ZNF607: variants seen among roughly 807,000 people sequenced by gnomAD.
ZNF607 encodes the protein zinc finger protein 607.
ZNF607 carries 5 observed loss-of-function variants against 12.8 expected under a neutral mutation model. The ratio of observed to expected loss-of-function variants is 0.39; its 90% CI spans 0.20 to 0.82. The LOEUF (loss-of-function observed/expected upper bound fraction) is 0.82. Among genes scored for constraint, ZNF607 ranks in the 40% least tolerant of loss-of-function variants. ZNF607 has a pLI of 0.39. For missense variants in ZNF607, 851 were observed against 859.2 expected, an observed-to-expected ratio of 0.99 and a Z score of 0.12; for synonymous variants, 287 against 276.2, an observed-to-expected ratio of 1.04 and a Z score of -0.39.
chr19:37,705,058 T>C (rs568967581), intron 4 of ZNF607, among the ~76,000 whole-genome samples: 1 of 149,750 alleles, frequency 6.7e-6, no homozygotes, highest in Non-Finnish European at 1.5e-5. Context: ...ATAATAATCA[T>C]CAGAAAAAAT....
At position 37,698,863 on chromosome 19, in the gene ZNF607, C is replaced by G. The variant is rs767887527; in HGVS notation, c.1268G>C (p.Cys423Ser). Residue 423 changes from cysteine to serine, a missense_variant, in exon 5 of 5, where the codon TGT becomes TCT. Coordinates refer to ENST00000355202, the MANE Select transcript of ZNF607 (RefSeq NM_032689.5). The stretch of plus-strand genomic sequence containing the variant: ...ACTGAAGGCCTTCCCACATTCCTTA[C>G]ATTTGTAGGGTTTCTCACCGGTATG... Reference protein sequence around the residue: ...NIHTGEKPYKCKECGKAFSQR... With the variant: ...NIHTGEKPYKSKECGKAFSQR... The G allele has an allele frequency of 2.5e-6, 4 of 1,613,958 alleles. No individual in the cohort carries two copies. Among genetic ancestry groups the G allele is most frequent in the Non-Finnish European group, 3.4e-6 (4 of 1,179,994 alleles).
At chr19:37,714,130 C>G (rs2045154318) in intron 1 of ZNF607, among the ~76,000 whole-genome samples, 1 of 151,908 alleles carries the variant, frequency 6.6e-6, no homozygotes, top group South Asian at 2.1e-4. Context: ...ACCATCCTGG[C>G]TAACACAGTG....
Position 37,698,807 on chromosome 19 carries a change from T to C in ZNF607, c.1324A>G (p.Ile442Val). The change falls in exon 5 of 5, where the codon ATT becomes GTT. Residue 442 changes from isoleucine (I) to valine (V), a missense_variant. Coordinates refer to ENST00000355202, the MANE Select transcript of ZNF607 (RefSeq NM_032689.5). ...TCAAAGGGTTTGTAACCAGTATGAA[T>C]TCTGTTATGATGGGCAAGGTGTGCA... is the stretch of plus-strand genomic sequence containing the variant. ...QRAHLAHHNR[I>V]HTGYKPFECK... 1 of 1,613,792 alleles carries C rather than the reference T, an allele frequency of 6.2e-7. No homozygotes were observed. The highest frequency in any genetic ancestry group is 8.5e-7 in the Non-Finnish European group (1 of 1,179,792).
chr19:37,709,792 C>T lies in ZNF607; in HGVS notation c.40G>A (p.Asp14Asn), dbSNP rs1328467045. Residue 14 changes from aspartate to asparagine, a missense_variant, in exon 3 of 5, where the codon GAC becomes AAC. Asp to Asn is a conservative substitution (Grantham distance 23). Coordinates refer to ENST00000355202, the MANE Select transcript of ZNF607 (RefSeq NM_032689.5). ...GSITFGDVAI[D>N]FSHQEWEYLS... The stretch of plus-strand genomic sequence containing the variant: ...TATTCCCACTCCTGATGAGAGAAGT[C>T]TATGGCCACATCCCCGAATGTTATT... 2 of 1,613,972 alleles carry T rather than the reference C, an allele frequency of 1.2e-6. No homozygotes were observed.
In ZNF607 at chr19:37,698,540, T is replaced by G; in HGVS notation, c.1591A>C (p.Lys531Gln). ...TQHLSIHSGK[K>Q]PFECNKCGKS... ...CCGCATTTGTTGCATTCAAAGGGTT[T>G]CTTACCACTGTGAATACTCAGATGC... The change falls in exon 5 of 5, where the codon AAA (lysine) becomes CAA (glutamine). Residue 531 changes from lysine to glutamine, a missense_variant. Coordinates refer to ENST00000355202, the MANE Select transcript of ZNF607 (RefSeq NM_032689.5). The G allele has an allele frequency of 3.7e-6, 6 of 1,612,082 alleles. No individual in the cohort carries two copies. The highest frequency in any genetic ancestry group is 5.1e-6 in the Non-Finnish European group (6 of 1,178,284).
chr19:37,701,147 A>G (rs994361286), intron 4 of ZNF607, among the ~76,000 whole-genome samples: 4 of 152,224 alleles, frequency 2.6e-5, no homozygotes, highest in Admixed American at 1.3e-4. Context: ...CAGAGAAACA[A>G]TTCAGGAAGG....
chr19:37,699,775 C>G lies in ZNF607; in HGVS notation c.356G>C (p.Cys119Ser), dbSNP rs990304726. The G allele has an allele frequency of 1.1e-5, 17 of 1,613,922 alleles. No homozygotes were observed. The highest frequency in any genetic ancestry group is 1.4e-5 in the Non-Finnish European group (17 of 1,179,980). ...TGTAAGATGACTAAAGGACTTCTGA[C>G]ATTGCTTACACTCATATGGTTTCTG... is the stretch of plus-strand genomic sequence containing the variant. ...NGQKPYECKQ[C>S]QKSFSHLTEL... The change falls in exon 5 of 5, where the codon TGT becomes TCT. Residue 119 changes from cysteine (C) to serine (S), a missense_variant. Transcript: ENST00000355202.
intron 2 of ZNF607, 54 bp from the exon 3 acceptor site, chr19:37,709,876 G>A (rs1041502998): frequency 1.2e-5 from 19 of 1,592,546 alleles, no homozygotes; most frequent in Admixed American, 1.7e-5. Flanking sequence ...GAGTGGAGGG[G>A]CCGGGCACTG....
At chr19:37,711,472 T>C in intron 2 of ZNF607, 138 bp downstream of exon 2, 1 of 855,506 alleles carries the variant, frequency 1.2e-6, no homozygotes, top group Non-Finnish European at 1.9e-6. Flanking sequence ...GTACATATTT[T>C]ACTGGAAGAA....
At chr19:37,712,591 A>C (rs1307479541) in intron 1 of ZNF607, among the ~76,000 whole-genome samples, 1 of 152,226 alleles carries the variant, frequency 6.6e-6, no homozygotes. Flanking sequence ...TGAAACAACT[A>C]AATAAAACTA....
At position 37,699,502 on chromosome 19, in the gene ZNF607, C is replaced by G; in HGVS notation, c.629G>C (p.Arg210Pro). Reference sequence around the variant, plus strand: ...AAATCTATGATGTACAGTAAGTTGACGGCTAGTCCTAAAAGCTTCCCCACA... The same window carrying G: ...AAATCTATGATGTACAGTAAGTTGAGGGCTAGTCCTAAAAGCTTCCCCACA... ...KECGEAFRTS[R>P]QLTVHHRFHY... is the part of the protein sequence containing the mutation. Residue 210 changes from arginine (R) to proline (P), a missense_variant, in exon 5 of 5, where the codon CGT (arginine) becomes CCT (proline). Coordinates refer to ENST00000355202, the MANE Select transcript of ZNF607 (RefSeq NM_032689.5). The G allele has an allele frequency of 6.2e-7, 1 of 1,613,730 alleles. No homozygotes were observed. Among genetic ancestry groups the G allele is most frequent in the Non-Finnish European group, 8.5e-7 (1 of 1,179,830 alleles).
chr19:37,699,031 C>G lies in ZNF607; in HGVS notation c.1100G>C (p.Cys367Ser), dbSNP rs2045011185. ...ACTAAAGGCTTTCCCACATTCCTCA[C>G]ACTTATAAGGTTTCTCAACACTTTC... is the stretch of plus-strand genomic sequence containing the variant. ...TFESVEKPYKCEECGKAFSVH... is the reference protein window; with the variant it reads ...TFESVEKPYKSEECGKAFSVH... The change falls in exon 5 of 5, where the codon TGT becomes TCT. Residue 367 changes from cysteine (C) to serine (S), a missense_variant. Coordinates refer to ENST00000355202, the MANE Select transcript of ZNF607 (RefSeq NM_032689.5). 1 of 1,614,096 alleles carries G rather than the reference C, an allele frequency of 6.2e-7. No individual in the cohort carries two copies. The highest frequency in any genetic ancestry group is 8.5e-7 in the Non-Finnish European group (1 of 1,180,000).
chr19:37,714,563 CAAAAAAAA>C (rs56081124), intron 1 of ZNF607, among the ~76,000 whole-genome samples: 1 of 108,264 alleles, frequency 9.2e-6, no homozygotes, highest in Non-Finnish European at 1.8e-5. Context: ...GACCCCATCT[CAAAAAAAA>C]AAAAAAAAAA....
intron 1 of ZNF607, among the ~76,000 whole-genome samples, chr19:37,715,997 T>C (rs544897613): frequency 1.4e-4 from 21 of 152,312 alleles, no homozygotes; most frequent in African/African-American, 3.6e-4. Context: ...TTTTAATACC[T>C]AAAAGGTATA....
At chr19:37,712,589 C>A (rs1162496340) in intron 1 of ZNF607, among the ~76,000 whole-genome samples, 1 of 152,172 alleles carries the variant, frequency 6.6e-6, no homozygotes, top group Non-Finnish European at 1.5e-5. Context: ...CATGAAACAA[C>A]TAAATAAAAC....
At chr19:37,708,085 T>G in intron 3 of ZNF607, 73 bp from the exon 4 acceptor site, 1 of 1,209,686 alleles carries the variant, frequency 8.3e-7, no homozygotes, top group Non-Finnish European at 1.2e-6. Flanking sequence ...ACAATTGCAA[T>G]AAATGAAAGG....
At position 37,696,654 on chromosome 19, in the gene ZNF607, C is replaced by T. The variant is rs1228820313; in HGVS notation, c.*1386G>A. The stretch of plus-strand genomic sequence containing the variant: ...GCTGGAGGAGCACGGACTGCCCTGC[C>T]GGCAGGCAGGTGATGTTCCGAGAGC... On this transcript the variant is annotated 3_prime_UTR_variant, in exon 5 of 5. Coordinates refer to ENST00000355202, the MANE Select transcript of ZNF607 (RefSeq NM_032689.5). 14 of 666,386 alleles carry T rather than the reference C, an allele frequency of 2.1e-5. No homozygotes were observed. Among genetic ancestry groups the T allele is most frequent in the Middle Eastern group, 3.5e-4 (1 of 2,820 alleles). 41.3% of individuals were successfully genotyped at this position (666,386 alleles called of 1,614,324 possible).
chr19:37,709,436 T>C (rs1293385582), intron 3 of ZNF607, among the ~76,000 whole-genome samples: 3 of 152,100 alleles, frequency 2.0e-5, no homozygotes, highest in African/African-American at 7.3e-5. Flanking sequence ...AAACCACTGG[T>C]TCAACCCACT....
At position 37,698,779 on chromosome 19, in the gene ZNF607, C is replaced by CAGT. The variant is rs753514507; in HGVS notation, c.1351_1352insACT (p.Glu450_Cys451insTyr). On this transcript the variant is annotated inframe_insertion, in exon 5 of 5. Coordinates refer to ENST00000355202, the MANE Select transcript of ZNF607 (RefSeq NM_032689.5). ...ACGAAAGGACTTCCCACATTCTTTA[C>CAGT]ATTCAAAGGGTTTGTAACCAGTATG... 3 of 1,613,872 alleles carry CAGT rather than the reference C, an allele frequency of 1.9e-6. No homozygotes were observed. The South Asian group carries it at 3.3e-5, about 18-fold the overall frequency.
Sources: allele counts gnomAD v4.1 joint callset (sites outside exome capture counted in the v4.1 genomes callset), GRCh38; gene constraint gnomAD v4.1.1; transcripts MANE v1.5; gene names NCBI Gene and HGNC (gene_info 2026-07-23, HGNC 2026-07-21).